The following TMCC1 variants were observed in gnomAD, a reference collection of about 807,000 sequenced individuals.
TMCC1 encodes transmembrane and coiled-coil domains protein 1.
In TMCC1, 15 loss-of-function variants were observed where a neutral mutation model predicts 52.4. The ratio of observed to expected loss-of-function variants is 0.29; its 90% CI spans 0.19 to 0.44. TMCC1 has a LOEUF of 0.44. Ranked by LOEUF, TMCC1 falls within the 20% of genes least tolerant of loss-of-function variation. The pLI, the probability that TMCC1 is intolerant of heterozygous loss-of-function variation, is 1.00. For synonymous variants in TMCC1, 279 were observed against 301.9 expected (o/e 0.92, Z 0.79); for missense variants, 503 against 806.0 (o/e 0.62, Z 4.55).
At chr3:129,759,750 G>C in intron 4 of TMCC1, among the ~76,000 whole-genome samples, 1 of 115,256 alleles carries the variant, frequency 8.7e-6, no homozygotes, top group African/African-American at 3.6e-5. Context: ...GAGACGGAGT[G>C]TCGTTCTGTC....
chr3:129,840,218 T>C (rs2059357465), intron 2 of TMCC1, among the ~76,000 whole-genome samples: 1 of 149,268 alleles, frequency 6.7e-6, no homozygotes. Context: ...GTCCAGCTAC[T>C]TAGGACATTG....
At chr3:129,704,047 G>A (rs573689716) in intron 4 of TMCC1, among the ~76,000 whole-genome samples, 26 of 152,178 alleles carry the variant, frequency 1.7e-4, no homozygotes, top group Non-Finnish European at 2.6e-4. Flanking sequence ...CAGTACTTCT[G>A]AAGGAGAAAC....
Position 129,884,302 on chromosome 3 carries a change from T to C in TMCC1, c.-434-3743A>G, listed in dbSNP as rs1334658539. On this transcript the variant is annotated intron_variant, in intron 1 of 6. Transcript: ENST00000393238. Reference sequence around the variant, plus strand: ...TTTATAATAGTATGAGCAGAATCATTTACATTATTAAAATAAAGAAAAAAG... The same window carrying C: ...TTTATAATAGTATGAGCAGAATCATCTACATTATTAAAATAAAGAAAAAAG... Among the ~76,000 whole-genome samples, 3 of 152,248 alleles carry C rather than the reference T, an allele frequency of 2.0e-5. No individual in the cohort carries two copies. In the South Asian group the frequency reaches 6.2e-4, roughly 32 times the overall value.
chr3:129,850,605 G>A (rs990575137), intron 2 of TMCC1, among the ~76,000 whole-genome samples: 2 of 152,168 alleles, frequency 1.3e-5, no homozygotes, highest in African/African-American at 2.4e-5. Flanking sequence ...AATAGTTGCC[G>A]AGACCAGCTC....
intron 2 of TMCC1, among the ~76,000 whole-genome samples, chr3:129,852,227 T>A (rs992190419): frequency 2.0e-5 from 3 of 150,854 alleles, no homozygotes; most frequent in Non-Finnish European, 4.4e-5. Context: ...GAGGCTGAGG[T>A]AGGTGGATCA....
intron 4 of TMCC1, among the ~76,000 whole-genome samples, chr3:129,744,731 T>A (rs1331561850): frequency 6.6e-6 from 1 of 152,204 alleles, no homozygotes; most frequent in East Asian, 1.9e-4. Flanking sequence ...ATATTTGATA[T>A]AATCCTCAGA....
chr3:129,858,121 A>T (rs547137381), intron 2 of TMCC1, among the ~76,000 whole-genome samples: 1 of 152,268 alleles, frequency 6.6e-6, no homozygotes, highest in African/African-American at 2.4e-5. Flanking sequence ...CAGATAAGAA[A>T]AATGAGCCTA....
In TMCC1 at chr3:129,732,383, C is replaced by T. The variant is rs193230170; in HGVS notation, c.577-61119G>A. Among the ~76,000 whole-genome samples, 231 of 152,286 alleles carry T rather than the reference C, an allele frequency of 1.5e-3. 2 individuals are homozygous for T. The highest frequency in any genetic ancestry group is 2.3e-3 in the East Asian group (12 of 5,168). ...TTGGATCTGTCCCACAGATGCACCA[C>T]CCACCCTGTTGCCAGTCTGGGACTT... is the stretch of plus-strand genomic sequence containing the variant. On this transcript the variant is annotated intron_variant, in intron 4 of 6. Coordinates refer to ENST00000393238, the MANE Select transcript of TMCC1 (RefSeq NM_001017395.5).
At chr3:129,761,377 C>A (rs1379440621) in intron 4 of TMCC1, among the ~76,000 whole-genome samples, 7 of 151,346 alleles carry the variant, frequency 4.6e-5, no homozygotes. Flanking sequence ...CTGTTGATCC[C>A]TCCTCCTCTT....
In TMCC1 at chr3:129,828,743, C is replaced by T. The variant is rs576116515; in HGVS notation, c.-130-235G>A. Among the ~76,000 whole-genome samples, 28 of 152,154 alleles carry T rather than the reference C, an allele frequency of 1.8e-4. No homozygotes were observed. The South Asian group carries it at 3.9e-3, about 21-fold the overall frequency. ...ACAAGTCCATAGGAAATTAAAACAG[C>T]AATGTTCAAAAGCAAAAATCCCTAC... On this transcript the variant is annotated intron_variant, in intron 3 of 6. Coordinates refer to ENST00000393238, the MANE Select transcript of TMCC1 (RefSeq NM_001017395.5). The surrounding 1 kb of genome is among the most constrained non-coding windows in gnomAD (Gnocchi z 4.1).
chr3:129,881,094 C>T (rs2061438497), intron 1 of TMCC1, among the ~76,000 whole-genome samples: 1 of 152,042 alleles, frequency 6.6e-6, no homozygotes, highest in South Asian at 2.1e-4. Context: ...GATCTCCTGA[C>T]CTCATGATCC....
At chr3:129,876,537 T>A (rs1302232829) in intron 2 of TMCC1, among the ~76,000 whole-genome samples, 1 of 152,046 alleles carries the variant, frequency 6.6e-6, no homozygotes, top group African/African-American at 2.4e-5. Context: ...CTCATGCCTA[T>A]AATCTCAGCA....
chr3:129,689,319 T>G (rs756768953), intron 4 of TMCC1, among the ~76,000 whole-genome samples: 7 of 152,212 alleles, frequency 4.6e-5, no homozygotes, highest in Non-Finnish European at 8.8e-5. Context: ...TTAAGACTGT[T>G]TCTGACTTGA....
chr3:129,819,546 G>T (rs2058306362), intron 4 of TMCC1, among the ~76,000 whole-genome samples: 1 of 152,108 alleles, frequency 6.6e-6, no homozygotes, highest in South Asian at 2.1e-4. Context: ...AAAGATGAAA[G>T]GTAAGTCAGA....
chr3:129,758,669 G>A (rs1011939531), intron 4 of TMCC1, among the ~76,000 whole-genome samples: 5 of 152,096 alleles, frequency 3.3e-5, no homozygotes, highest in African/African-American at 1.2e-4. Context: ...ATGGGTTTTT[G>A]TATAAGTGCT....
intron 4 of TMCC1, among the ~76,000 whole-genome samples, chr3:129,779,085 C>A (rs2055299788): frequency 1.3e-5 from 2 of 152,138 alleles, no homozygotes; most frequent in Admixed American, 1.3e-4. Flanking sequence ...CCATGAATTA[C>A]AGCACAACAT....
At chr3:129,876,511 G>T (rs970075980) in intron 2 of TMCC1, among the ~76,000 whole-genome samples, 1 of 151,820 alleles carries the variant, frequency 6.6e-6, no homozygotes, top group Non-Finnish European at 1.5e-5. Context: ...AAAAATAAAG[G>T]AGCCAGGTTC....
At position 129,764,625 on chromosome 3, in the gene TMCC1, C is replaced by T. The variant is rs963641341; in HGVS notation, c.576+63178G>A. 3.3e-5 allele frequency among the ~76,000 whole-genome samples: 5 copies of T among 151,412 alleles called. No individual in the cohort carries two copies. The East Asian group carries it at 9.7e-4, about 29-fold the overall frequency. On this transcript the variant is annotated intron_variant, in intron 4 of 6. Transcript: ENST00000393238. ...GAAATGATAAAGCATTCATCAACAC[C>T]TGGGCAAAGAAAATCACCCTTTTCA...
intron 3 of TMCC1, among the ~76,000 whole-genome samples, chr3:129,831,479 C>T (rs1454470331): frequency 1.3e-5 from 2 of 152,134 alleles, no homozygotes; most frequent in East Asian, 1.9e-4. Context: ...CTTTAAACAT[C>T]AAGTTTTAAG....
Sources: allele counts gnomAD v4.1 joint callset (sites outside exome capture counted in the v4.1 genomes callset), GRCh38; gene constraint gnomAD v4.1.1; non-coding constraint Gnocchi (gnomAD v3.1); transcripts MANE v1.5; gene names NCBI Gene and HGNC (gene_info 2026-07-23, HGNC 2026-07-21).